SLC46A1: variants seen among roughly 807,000 people sequenced by gnomAD.
SLC46A1 encodes the protein solute carrier family 46 member 1.
SLC46A1 carries 17 observed loss-of-function variants against 32.1 expected under a neutral mutation model. The observed-to-expected ratio is 0.53, with a 90% confidence interval of 0.36 to 0.79. The LOEUF is 0.79. SLC46A1 is among the 30% of genes least tolerant of loss of function. The pLI is 0.00. For missense variants in SLC46A1, 517 were observed against 588.2 expected (o/e 0.88, Z 1.25); for synonymous variants, 240 against 262.7 (o/e 0.91, Z 0.84).
In SLC46A1 at chr17:28,399,527, G is replaced by T; in HGVS notation, c.*129C>A. On this transcript the variant is annotated 3_prime_UTR_variant, in exon 5 of 5. Coordinates refer to ENST00000612814, the MANE Select transcript of SLC46A1 (RefSeq NM_080669.6). ...TGCCTTGGTCTCTCTTGACTACCTCGTCCAAAGAGAGCACTGCCCTTAGAC... is the reference window on the plus strand; with the variant it reads ...TGCCTTGGTCTCTCTTGACTACCTCTTCCAAAGAGAGCACTGCCCTTAGAC... 1.1e-6 allele frequency: 1 copy of T among 909,428 alleles called. No individual in the cohort carries two copies. Among genetic ancestry groups the T allele is most frequent in the Non-Finnish European group, 1.7e-6 (1 of 577,394 alleles). The allele number at this position is 909,428 out of a possible 1,614,324, so 56.3% of individuals were successfully genotyped here. A position where few individuals can be genotyped will look rare whatever the true frequency, so the allele number is the denominator to read the frequency against.
At position 28,402,315 on chromosome 17, in the gene SLC46A1, C is replaced by A; in HGVS notation, c.1088G>T (p.Gly363Val). ...GATGACTAATGACAGGAAAAGCAAC[C>A]CATATCCTGTGGAGAAACAAACACT... ...TITPLMFTGYGLLFLSLVITP... is the reference protein window; with the variant it reads ...TITPLMFTGYVLLFLSLVITP... Residue 363 changes from glycine (G) to valine (V), a missense_variant, in exon 3 of 5, where the codon GGG (glycine) becomes GTG (valine). Transcript: ENST00000612814. The A allele has an allele frequency of 1.2e-6, 2 of 1,613,050 alleles. No individual in the cohort carries two copies. Among genetic ancestry groups the A allele is most frequent in the South Asian group, 1.1e-5 (1 of 90,812 alleles).
At position 28,397,460 on chromosome 17, in the gene SLC46A1, A is replaced by T. The variant is rs1221995271; in HGVS notation, c.*2196T>A. On this transcript the variant is annotated 3_prime_UTR_variant, in exon 5 of 5. Coordinates refer to ENST00000612814, the MANE Select transcript of SLC46A1 (RefSeq NM_080669.6). ...TCCATGGTCTCCAGTCATCAGAGCA[A>T]CTCTACCTGGTATTATCATCCCCAT... 6.6e-6 allele frequency: 1 copy of T among 152,050 alleles called. No homozygotes were observed. The highest frequency in any genetic ancestry group is 1.5e-5 in the Non-Finnish European group (1 of 68,026). The allele number at this position is 152,050 out of a possible 1,614,324, so 9.4% of individuals were successfully genotyped here.
chr17:28,397,474 TATC>T lies in SLC46A1; in HGVS notation c.*2179_*2181del, dbSNP rs1363276106. ...TCATCAGAGCAACTCTACCTGGTATTATCATCCCCATTTTACAGATAATGACAC... is the reference window on the plus strand; with the variant it reads ...TCATCAGAGCAACTCTACCTGGTATTATCCCCATTTTACAGATAATGACAC... On this transcript the variant is annotated 3_prime_UTR_variant, in exon 5 of 5. Transcript: ENST00000612814. 1.3e-5 allele frequency: 2 copies of T among 152,126 alleles called. No individual in the cohort carries two copies. Among genetic ancestry groups the T allele is most frequent in the Non-Finnish European group, 2.9e-5 (2 of 68,032 alleles). The allele number at this position is 152,126 out of a possible 1,614,324, so 9.4% of individuals were successfully genotyped here.
At position 28,406,017 on chromosome 17, in the gene SLC46A1, T is replaced by C. The variant is rs782288356; in HGVS notation, c.98A>G (p.Asn33Ser). 2 of 1,610,412 alleles carry C rather than the reference T, an allele frequency of 1.2e-6. No individual in the cohort carries two copies. Among genetic ancestry groups the C allele is most frequent in the East Asian group, 2.2e-5 (1 of 44,762 alleles). ...CGGGCCCTGCAGGACCAAGGCAAAG[T>C]TGGCCAGGAAGACCAGCGGCTCTAC... ...GPVEPLVFLA[N>S]FALVLQGPLT... Residue 33 changes from asparagine (N) to serine (S), a missense_variant, in exon 1 of 5, where the codon AAC becomes AGC. Asn to Ser is a conservative substitution (Grantham distance 46). Transcript: ENST00000612814. This position sits in a 1 kb window ranked among gnomAD's most constrained non-coding sequence, Gnocchi z 4.5.
chr17:28,396,386 G>C lies in SLC46A1; in HGVS notation c.*3270C>G, dbSNP rs1286775740. On this transcript the variant is annotated 3_prime_UTR_variant, in exon 5 of 5. Transcript: ENST00000612814. ...AGTCTCCCTGGGCTGAGACAACCTG[G>C]GCTCTTCTTAGGAAATGGCTCTCCC... 6.1e-6 allele frequency: 9 copies of C among 1,464,290 alleles called. No homozygotes were observed. Among genetic ancestry groups the C allele is most frequent in the Non-Finnish European group, 8.4e-6 (9 of 1,066,722 alleles). 90.7% of individuals were successfully genotyped at this position (1,464,290 alleles called of 1,614,324 possible).
In SLC46A1 at chr17:28,395,597, C is replaced by A; in HGVS notation, c.*4059G>T. ...CTGGTGACCAGCCCTCTTCCTGAAA[C>A]TATCTAGGCTACCCCCATAGCACCC... On this transcript the variant is annotated 3_prime_UTR_variant, in exon 5 of 5. Transcript: ENST00000612814. 3.4e-6 allele frequency: 1 copy of A among 291,044 alleles called. No individual in the cohort carries two copies. Among genetic ancestry groups the A allele is most frequent in the South Asian group, 5.0e-5 (1 of 20,160 alleles). 18.0% of individuals were successfully genotyped at this position (291,044 alleles called of 1,614,324 possible). A position where few individuals can be genotyped will look rare whatever the true frequency, so the allele number is the denominator to read the frequency against.
At chr17:28,404,575 G>A (rs782059918) in intron 2 of SLC46A1, 41 bp downstream of exon 2, 1 of 1,608,062 alleles carries the variant, frequency 6.2e-7, no homozygotes. Flanking sequence ...TTCTTACCCA[G>A]TGCCTCTGGG....
In SLC46A1 at chr17:28,396,476, G is replaced by C; in HGVS notation, c.*3180C>G. 1.5e-6 allele frequency: 1 copy of C among 674,218 alleles called. No individual in the cohort carries two copies. Among genetic ancestry groups the C allele is most frequent in the Non-Finnish European group, 2.5e-6 (1 of 406,126 alleles). The allele number at this position is 674,218 out of a possible 1,614,324, so 41.8% of individuals were successfully genotyped here. On this transcript the variant is annotated 3_prime_UTR_variant, in exon 5 of 5. Transcript: ENST00000612814. ...CTTTCCTCAGTATCTGGAGAGGGAA[G>C]GGAAGTCAGGCTTGGGCACGGGAGG... is the stretch of plus-strand genomic sequence containing the variant.
In SLC46A1 at chr17:28,405,981, T is replaced by G; in HGVS notation, c.134A>C (p.Gln45Pro). The G allele has an allele frequency of 6.2e-7, 1 of 1,611,732 alleles. No individual in the cohort carries two copies. The highest frequency in any genetic ancestry group is 1.1e-5 in the South Asian group (1 of 90,682). The change falls in exon 1 of 5, where the codon CAG becomes CCG. Residue 45 changes from glutamine (Q) to proline (P), a missense_variant. By Grantham distance (76) the Gln-to-Pro change is moderately conservative. Transcript: ENST00000612814. ...GGCGCTGAAGCGGTGCCACAGATAC[T>G]GCGTGGTGAGCGGGCCCTGCAGGAC... The part of the protein sequence containing the change: ...ALVLQGPLTT[Q>P]YLWHRFSADL...
At chr17:28,399,945 G>A (rs2068176255) in intron 4 of SLC46A1, 2 of 523,890 alleles carry the variant, frequency 3.8e-6, no homozygotes, top group East Asian at 6.9e-5. Context: ...CCAGGCTGGA[G>A]GGCAGTGACA....
rs1555590931 is a variant in SLC46A1, at chr17:28,405,334, C to T, written c.363G>A (p.Ser121=). 1 of 1,590,388 alleles carries T rather than the reference C, an allele frequency of 6.3e-7. No individual in the cohort carries two copies. Among genetic ancestry groups the T allele is most frequent in the South Asian group, 1.1e-5 (1 of 87,450 alleles). Residue 121 remains serine (S), a synonymous_variant, in exon 2 of 5, where the codon TCG becomes TCA. Coordinates refer to ENST00000612814, the MANE Select transcript of SLC46A1 (RefSeq NM_080669.6). ...CTAGGGCCTGGAGCAGCAGGCCCAG[C>T]GAGGCCAGCACTAGCAGCGGGCGGC... ...VGRRPLLVLA[S]LGLLLQALVS... is the part of the protein sequence containing the mutation.
In SLC46A1 at chr17:28,395,775, A is replaced by C. The variant is rs2068113474; in HGVS notation, c.*3881T>G. ...ACTACAAGGGTTAAGGTAGACATCA[A>C]GGTGGACATCAGGACTGGTGTCCTG... is the stretch of plus-strand genomic sequence containing the variant. On this transcript the variant is annotated 3_prime_UTR_variant, in exon 5 of 5. Transcript: ENST00000612814. The C allele has an allele frequency of 6.8e-6, 6 of 887,788 alleles. No homozygotes were observed. Among genetic ancestry groups the C allele is most frequent in the Non-Finnish European group, 1.1e-5 (6 of 556,146 alleles). The allele number at this position is 887,788 out of a possible 1,614,324, so 55.0% of individuals were successfully genotyped here.
At chr17:28,405,667 C>A (rs559575768) in intron 1 of SLC46A1, 199 bp from the exon 2 acceptor site, 4 of 976,610 alleles carry the variant, frequency 4.1e-6, no homozygotes, top group African/African-American at 3.3e-5. Context: ...TCCTTTCCCC[C>A]CCCTTTTGTT....
At position 28,396,526 on chromosome 17, in the gene SLC46A1, T is replaced by C. The variant is rs2068126273; in HGVS notation, c.*3130A>G. Reference sequence around the variant, plus strand: ...GTTAGAACTCCCCCAGGCCCTGCCATTGGGTTGTCTGTCTCCGTCATGGGG... The same window carrying C: ...GTTAGAACTCCCCCAGGCCCTGCCACTGGGTTGTCTGTCTCCGTCATGGGG... On this transcript the variant is annotated 3_prime_UTR_variant, in exon 5 of 5. Coordinates refer to ENST00000612814, the MANE Select transcript of SLC46A1 (RefSeq NM_080669.6). 42 of 557,634 alleles carry C rather than the reference T, an allele frequency of 7.5e-5. No homozygotes were observed. The South Asian group carries it at 8.4e-4, about 11-fold the overall frequency. The allele number at this position is 557,634 out of a possible 1,614,324, so 34.5% of individuals were successfully genotyped here.
chr17:28,406,055 C>G lies in SLC46A1; in HGVS notation c.60G>C (p.Leu20=). 1 of 1,602,154 alleles carries G rather than the reference C, an allele frequency of 6.2e-7. No individual in the cohort carries two copies. Among genetic ancestry groups the G allele is most frequent in the Non-Finnish European group, 8.5e-7 (1 of 1,176,062 alleles). Residue 20 remains leucine, a synonymous_variant, in exon 1 of 5, where the codon CTG becomes CTC. Coordinates refer to ENST00000612814, the MANE Select transcript of SLC46A1 (RefSeq NM_080669.6). This position sits in a 1 kb window ranked among gnomAD's most constrained non-coding sequence, Gnocchi z 4.5. ...CCAGCGGCTCTACCGGGCCCCGGCA[C>G]AGCACGGCAGCCGCAGGGCGGGCGC... ...KPRARPAAAV[L]CRGPVEPLVF...
chr17:28,401,536 A>G (rs2068197329), intron 3 of SLC46A1: 1 of 152,422 alleles, frequency 6.6e-6, no homozygotes, highest in African/African-American at 2.4e-5. Context: ...ATAAAGACCC[A>G]GAGGCTGGAG....
chr17:28,400,601 C>T lies in SLC46A1; in HGVS notation c.1322+9G>A. ...CCATTATGAGCATGGGTTCAGGGCCCTGCATTACCCAATCAGAACAGCCGG... is the reference window on the plus strand; with the variant it reads ...CCATTATGAGCATGGGTTCAGGGCCTTGCATTACCCAATCAGAACAGCCGG... On this transcript the variant is annotated intron_variant, in intron 4 of 4. Coordinates refer to ENST00000612814, the MANE Select transcript of SLC46A1 (RefSeq NM_080669.6). 1 of 1,613,526 alleles carries T rather than the reference C, an allele frequency of 6.2e-7. No individual in the cohort carries two copies. The highest frequency in any genetic ancestry group is 8.5e-7 in the Non-Finnish European group (1 of 1,179,738).
chr17:28,400,624 C>A lies in SLC46A1; in HGVS notation c.1308G>T (p.Pro436=), dbSNP rs374545871. The A allele has an allele frequency of 2.5e-6, 4 of 1,613,668 alleles. No homozygotes were observed. The South Asian group carries it at 4.4e-5, about 18-fold the overall frequency. ...CCCTGCATTACCCAATCAGAACAGC[C>A]GGGATGAGCAGGAGGCCAGCTCCCA... ...FLLGAGLLLI[P]AVLIGMLEKA... Residue 436 remains proline (P), a synonymous_variant, in exon 4 of 5, where the codon CCG becomes CCT. Coordinates refer to ENST00000612814, the MANE Select transcript of SLC46A1 (RefSeq NM_080669.6).
intron 1 of SLC46A1, chr17:28,405,671 T>A (rs376435999): frequency 1.0e-6 from 1 of 968,178 alleles, no homozygotes. Context: ...TTCCCCCCCC[T>A]TTTGTTAACC....
Sources: gnomAD v4.1 joint callset for allele counts on GRCh38, gnomAD v4.1.1 for gene constraint, Gnocchi (gnomAD v3.1) non-coding constraint, MANE v1.5 for transcripts, NCBI Gene and HGNC (gene_info 2026-07-23, HGNC 2026-07-21) for gene names.